SKAP1: variants seen among roughly 807,000 people sequenced by gnomAD.
SKAP1 encodes src kinase associated phosphoprotein 1, also known as src kinase-associated phosphoprotein 1.
In SKAP1, 44 loss-of-function variants were observed where a neutral mutation model predicts 58.5. That is an observed-to-expected ratio of 0.75 (90% CI 0.59 to 0.97). SKAP1 has a LOEUF of 0.97. SKAP1 is among the 50% of genes least tolerant of loss of function. The pLI, the probability that SKAP1 is intolerant of heterozygous loss-of-function variation, is 0.00. For synonymous variants in SKAP1, 127 were observed against 149.7 expected, an observed-to-expected ratio of 0.85 and a Z score of 1.11; for missense variants, 390 against 435.2, an observed-to-expected ratio of 0.90 and a Z score of 0.92.
At chr17:48,230,714 G>A (rs2065116847) in intron 4 of SKAP1, among the ~76,000 whole-genome samples, 1 of 152,116 alleles carries the variant, frequency 6.6e-6, no homozygotes, top group South Asian at 2.1e-4. Context: ...CCACGATCAT[G>A]CCACTGCACT....
intron 2 of SKAP1, among the ~76,000 whole-genome samples, chr17:48,393,326 TGTA>T (rs1483475120): frequency 6.6e-6 from 1 of 152,174 alleles, no homozygotes; most frequent in Non-Finnish European, 1.5e-5. Context: ...GAAAAGAGTA[TGTA>T]AATATAGATA....
At chr17:48,294,927 G>T (rs2065945845) in intron 4 of SKAP1, among the ~76,000 whole-genome samples, 1 of 152,160 alleles carries the variant, frequency 6.6e-6, no homozygotes, top group Non-Finnish European at 1.5e-5. Flanking sequence ...CTGACACATG[G>T]TAAGGGTATA....
chr17:48,387,939 TG>T (rs1833880203), intron 2 of SKAP1, among the ~76,000 whole-genome samples: 1 of 152,188 alleles, frequency 6.6e-6, no homozygotes. Context: ...AGCTACTTCC[TG>T]TTACTTATGT....
intron 4 of SKAP1, among the ~76,000 whole-genome samples, chr17:48,256,510 A>G (rs576617786): frequency 4.4e-4 from 67 of 152,134 alleles, no homozygotes; most frequent in Non-Finnish European, 8.7e-4. Context: ...TCACGGAGTC[A>G]CACTGTTACA....
At position 48,340,881 on chromosome 17, in the gene SKAP1, G is replaced by C. The variant is rs187117218; in HGVS notation, c.280+5024C>G. Among the ~76,000 whole-genome samples the C allele has an allele frequency of 4.5e-4, 68 of 152,258 alleles. 1 individual carries two copies. Among genetic ancestry groups the C allele is most frequent in the South Asian group, 8.3e-4 (4 of 4,826 alleles). On this transcript the variant is annotated intron_variant, in intron 4 of 12. Coordinates refer to ENST00000336915, the MANE Select transcript of SKAP1 (RefSeq NM_003726.4). ...ATTTTAAAAATCAACATTATATCCA[G>C]TGAAAAAAGCAATAAGGAAAATGAG...
At chr17:48,418,254 C>A (rs552325656) in intron 1 of SKAP1, among the ~76,000 whole-genome samples, 3 of 152,134 alleles carry the variant, frequency 2.0e-5, no homozygotes, top group Non-Finnish European at 4.4e-5. Flanking sequence ...CGTGCCACTG[C>A]GCTCCAGCCT....
chr17:48,439,997 C>G, the SKAP1 span, among the ~76,000 whole-genome samples: 1 of 152,154 alleles, frequency 6.6e-6, no homozygotes, highest in South Asian at 2.1e-4. Context: ...TCATCTCTTC[C>G]CCTTCCTCTT....
intron 4 of SKAP1, among the ~76,000 whole-genome samples, chr17:48,261,724 G>GAT (rs2065486765): frequency 6.6e-6 from 1 of 152,162 alleles, no homozygotes; most frequent in African/African-American, 2.4e-5. Flanking sequence ...TTGTTACTTA[G>GAT]GTTTCCCACA....
chr17:48,331,922 A>G (rs1466414148), intron 4 of SKAP1, among the ~76,000 whole-genome samples: 4 of 152,172 alleles, frequency 2.6e-5, no homozygotes, highest in Non-Finnish European at 5.9e-5. Context: ...AATAAATTAT[A>G]AACTTTAATT....
At chr17:48,318,858 T>C (rs754265264) in intron 4 of SKAP1, among the ~76,000 whole-genome samples, 4 of 152,158 alleles carry the variant, frequency 2.6e-5, no homozygotes, top group Non-Finnish European at 4.4e-5. Flanking sequence ...AGCAAGACCT[T>C]GCTTCAGGGA....
At chr17:48,300,390 G>C (rs1022165495) in intron 4 of SKAP1, among the ~76,000 whole-genome samples, 1 of 131,688 alleles carries the variant, frequency 7.6e-6, no homozygotes, top group Admixed American at 7.9e-5. Flanking sequence ...TGAAAAAGGA[G>C]GAGAAGTTGC....
chr17:48,191,748 T>C (rs1441575431), intron 4 of SKAP1, among the ~76,000 whole-genome samples: 1 of 152,226 alleles, frequency 6.6e-6, no homozygotes, highest in African/African-American at 2.4e-5. Context: ...TGGTCCTTAT[T>C]GTTAACCTCC....
chr17:48,197,244 C>T (rs1469936245), intron 4 of SKAP1, among the ~76,000 whole-genome samples: 1 of 113,058 alleles, frequency 8.8e-6, no homozygotes, highest in African/African-American at 3.4e-5. Context: ...GGTGATAGAG[C>T]GAGACTCCGA....
chr17:48,346,101 AGTATTCG>A, intron 3 of SKAP1, 95 bp from the exon 4 acceptor site: 2 of 629,226 alleles, frequency 3.2e-6, no homozygotes, highest in Middle Eastern at 3.4e-4. Context: ...GATCTCTTCC[AGTATTCG>A]AAAAAAAAGT....
At chr17:48,225,801 T>G (rs1811037856) in intron 4 of SKAP1, among the ~76,000 whole-genome samples, 1 of 152,098 alleles carries the variant, frequency 6.6e-6, no homozygotes, top group African/African-American at 2.4e-5. Context: ...CATCTGAAAG[T>G]GCAGTAATAA....
At chr17:48,430,909 C>T (rs2067910268), upstream of SKAP1, among the ~76,000 whole-genome samples, 1 of 152,144 alleles carries the variant, frequency 6.6e-6, no homozygotes, top group Non-Finnish European at 1.5e-5. Context: ...CAAAATCACA[C>T]GGTCTCATTC....
chr17:48,371,064 C>T (rs1224754357), intron 2 of SKAP1, among the ~76,000 whole-genome samples: 5 of 152,020 alleles, frequency 3.3e-5, no homozygotes, highest in African/African-American at 4.8e-5. Flanking sequence ...CACTTATAAG[C>T]GGGAGCTAAA....
intron 1 of SKAP1, among the ~76,000 whole-genome samples, chr17:48,413,033 CT>C (rs1332952215): frequency 2.7e-5 from 4 of 150,712 alleles, no homozygotes; most frequent in African/African-American, 9.7e-5. Flanking sequence ...CGCCCACACA[CT>C]TACTAGATGA....
At chr17:48,364,762 G>C (rs1461427305) in intron 2 of SKAP1, among the ~76,000 whole-genome samples, 1 of 152,160 alleles carries the variant, frequency 6.6e-6, no homozygotes, top group East Asian at 1.9e-4. Flanking sequence ...ATTGACTTAA[G>C]GTTGTCTAAC....
Sources: gnomAD v4.1 joint callset for allele counts (sites outside exome capture counted in the v4.1 genomes callset) on GRCh38, gnomAD v4.1.1 for gene constraint, MANE v1.5 for transcripts, NCBI Gene and HGNC (gene_info 2026-07-23, HGNC 2026-07-21) for gene names.